ZFAND1: variants seen among roughly 807,000 people sequenced by gnomAD.
ZFAND1 encodes zinc finger AN1-type containing 1, also known as AN1-type zinc finger protein 1.
A neutral mutation model predicts 38.5 loss-of-function variants in ZFAND1; 40 were observed. The observed-to-expected ratio is 1.04, with a 90% confidence interval of 0.81 to 1.35. ZFAND1 has a LOEUF of 1.35. Ranked by LOEUF, ZFAND1 falls within the 40% of genes most tolerant of loss-of-function variation. ZFAND1 has a pLI of 0.00. For synonymous variants in ZFAND1, 117 were observed against 103.6 expected (o/e 1.13, Z -0.78); for missense variants, 346 against 316.3 (o/e 1.09, Z -0.71).
chr8:81,719,340 C>CACACACACACAA (rs1246676451), intron 1 of ZFAND1, among the ~76,000 whole-genome samples: 2 of 151,226 alleles, frequency 1.3e-5, no homozygotes, highest in Admixed American at 1.3e-4. Flanking sequence ...CACACACACA[C>CACACACACACAA]ACACACACAC....
intron 6 of ZFAND1, among the ~76,000 whole-genome samples, chr8:81,713,352 T>C (rs59917332): frequency 0.076 from 11,589 of 152,168 alleles, 596 homozygotes; most frequent in East Asian, 0.14. Flanking sequence ...CTCGATCTCC[T>C]GACCTCATGA....
chr8:81,714,912 A>T lies in ZFAND1; in HGVS notation c.267-17T>A. On this transcript the variant is annotated splice_polypyrimidine_tract_variant and intron_variant, in intron 4 of 7. Coordinates refer to ENST00000220669, the MANE Select transcript of ZFAND1 (RefSeq NM_024699.3). ...TGACGGTGTCTATGAGCAACAGAAGAGTGACACTAGTTCATGTGTTTGTAT... is the reference window on the plus strand; with the variant it reads ...TGACGGTGTCTATGAGCAACAGAAGTGTGACACTAGTTCATGTGTTTGTAT... 6.2e-7 allele frequency: 1 copy of T among 1,614,076 alleles called. No homozygotes were observed. The highest frequency in any genetic ancestry group is 1.7e-5 in the Admixed American group (1 of 60,026).
chr8:81,718,282 T>A, intron 1 of ZFAND1, 58 bp from the exon 2 acceptor site: 1 of 1,409,424 alleles, frequency 7.1e-7, no homozygotes, highest in Non-Finnish European at 9.6e-7. Flanking sequence ...TTAGTTTTCT[T>A]AAGCAAGAAG....
At chr8:81,712,094 C>T (rs78495829) in intron 6 of ZFAND1, among the ~76,000 whole-genome samples, 7,759 of 151,894 alleles carry the variant, frequency 0.051, 220 homozygotes, top group Middle Eastern at 0.13. Flanking sequence ...GATGATCTAA[C>T]GACAGAAAAA....
chr8:81,717,901 G>GA (rs1203551132), intron 2 of ZFAND1, among the ~76,000 whole-genome samples: 15 of 151,776 alleles, frequency 9.9e-5, no homozygotes, highest in African/African-American at 3.6e-4. Context: ...AATTATAACT[G>GA]GATCTTTACC....
At chr8:81,717,220 T>C (rs749060418) in intron 3 of ZFAND1, 29 bp downstream of exon 3, 8 of 1,506,790 alleles carry the variant, frequency 5.3e-6, no homozygotes, top group Non-Finnish European at 7.1e-6. Context: ...ACGAATACAT[T>C]TTATCAGATT....
chr8:81,706,199 G>T (rs1207765227), intron 6 of ZFAND1, among the ~76,000 whole-genome samples: 1 of 151,762 alleles, frequency 6.6e-6, no homozygotes, highest in Non-Finnish European at 1.5e-5. Context: ...AGATGACAAA[G>T]TATATTAAAA....
At chr8:81,717,637 A>G (rs1230622385) in intron 2 of ZFAND1, among the ~76,000 whole-genome samples, 1 of 152,154 alleles carries the variant, frequency 6.6e-6, no homozygotes, top group Non-Finnish European at 1.5e-5. Context: ...TTAAAAATAT[A>G]CATTACTTTT....
At position 81,713,795 on chromosome 8, in the gene ZFAND1, T is replaced by C. The variant is rs1808214432; in HGVS notation, c.480+123A>G. On this transcript the variant is annotated intron_variant, in intron 6 of 7. Transcript: ENST00000220669. The stretch of plus-strand genomic sequence containing the variant: ...GTATTATTTATGCAGACATATACCA[T>C]GCAACATTAAGAATGATACATACCA... 11 of 961,856 alleles carry C rather than the reference T, an allele frequency of 1.1e-5. No individual in the cohort carries two copies. The East Asian group carries it at 1.9e-4, about 17-fold the overall frequency. The allele number at this position is 961,856 out of a possible 1,614,324, so 59.6% of individuals were successfully genotyped here.
At chr8:81,717,048 A>C (rs750705481) in intron 3 of ZFAND1, among the ~76,000 whole-genome samples, 11 of 152,216 alleles carry the variant, frequency 7.2e-5, no homozygotes, top group Non-Finnish European at 1.3e-4. Flanking sequence ...ATGAGGATAA[A>C]AATTTACAAA....
chr8:81,717,899 C>T (rs569211452), intron 2 of ZFAND1, among the ~76,000 whole-genome samples: 98 of 152,078 alleles, frequency 6.4e-4, no homozygotes, highest in Middle Eastern at 3.4e-3. Flanking sequence ...ATAATTATAA[C>T]TGGATCTTTA....
In ZFAND1 at chr8:81,714,862, T is replaced by G; in HGVS notation, c.300A>C (p.Lys100Asn). ...HRHQSDHECEKLEIPKPRMAA... is the reference protein window; with the variant it reads ...HRHQSDHECENLEIPKPRMAA... ...CCATTCGAGGCTTTGGGATTTCCAG[T>G]TTTTCACACTCATGATCTGACTGAT... Residue 100 changes from lysine to asparagine, a missense_variant, in exon 5 of 8, where the codon AAA becomes AAC. Coordinates refer to ENST00000220669, the MANE Select transcript of ZFAND1 (RefSeq NM_024699.3). The G allele has an allele frequency of 6.2e-7, 1 of 1,614,038 alleles. No homozygotes were observed. Among genetic ancestry groups the G allele is most frequent in the Non-Finnish European group, 8.5e-7 (1 of 1,179,938 alleles).
chr8:81,712,286 C>G (rs1391487202), intron 6 of ZFAND1, among the ~76,000 whole-genome samples: 2 of 152,094 alleles, frequency 1.3e-5, no homozygotes, highest in African/African-American at 4.8e-5. Flanking sequence ...ATATCTAATA[C>G]TTGATGAAAC....
chr8:81,708,664 C>A (rs1225008952), intron 6 of ZFAND1: 1 of 692,818 alleles, frequency 1.4e-6, no homozygotes, highest in Non-Finnish European at 1.8e-6. Flanking sequence ...CTTTTTATAG[C>A]CACCAGACTG....
intron 6 of ZFAND1, 113 bp from the exon 7 acceptor site, chr8:81,703,237 G>A (rs1049173190): frequency 7.4e-5 from 50 of 677,824 alleles, no homozygotes; most frequent in Non-Finnish European, 1.1e-4. Context: ...TTCTAACAAG[G>A]TATCTGCTAC....
chr8:81,706,006 G>A (rs996754714), intron 6 of ZFAND1, among the ~76,000 whole-genome samples: 20 of 152,162 alleles, frequency 1.3e-4, no homozygotes, highest in African/African-American at 4.8e-4. Context: ...ACTATTTAGA[G>A]AGAAAATGAG....
intron 1 of ZFAND1, among the ~76,000 whole-genome samples, chr8:81,720,110 T>C (rs1808429650): frequency 6.6e-6 from 1 of 152,220 alleles, no homozygotes; most frequent in Non-Finnish European, 1.5e-5. Context: ...GACACGGTAA[T>C]TCAGGCACTT....
At chr8:81,712,876 T>C (rs558188618) in intron 6 of ZFAND1, among the ~76,000 whole-genome samples, 1 of 152,208 alleles carries the variant, frequency 6.6e-6, no homozygotes, top group East Asian at 1.9e-4. Flanking sequence ...TATTAAGGAA[T>C]AAATGGCCAA....
rs567434175 is a variant in ZFAND1 at position 81,701,449 on chromosome 8, G to A, written c.*1246C>T. The A allele has an allele frequency of 3.5e-5, 5 of 141,022 alleles. No homozygotes were observed. In the East Asian group the frequency reaches 1.9e-3, roughly 52 times the overall value. The allele number at this position is 141,022 out of a possible 1,614,324, so 8.7% of individuals were successfully genotyped here. On this transcript the variant is annotated 3_prime_UTR_variant, in exon 8 of 8. Transcript: ENST00000220669. ...TGTAAACATAATTTTTATATGCCCT[G>A]GGAAACAAAAAAAAATTTGTCTGGC...
Sources: allele counts gnomAD v4.1 joint callset (sites outside exome capture counted in the v4.1 genomes callset), GRCh38; gene constraint gnomAD v4.1.1; transcripts MANE v1.5; gene names NCBI Gene and HGNC (gene_info 2026-07-23, HGNC 2026-07-21).